The following WDR72 variants were observed in gnomAD, a reference collection of about 807,000 sequenced individuals.
WDR72 encodes the protein WD repeat domain 72.
WDR72 carries 120 observed loss-of-function variants against 124.2 expected under a neutral mutation model. That is an observed-to-expected ratio of 0.97 (90% CI 0.83 to 1.12). The LOEUF is 1.12. Among genes scored for constraint, WDR72 ranks in the 50% most tolerant of loss-of-function variants. WDR72 has a pLI of 0.00. For missense variants in WDR72, 1,387 were observed against 1,278.8 expected, an observed-to-expected ratio of 1.08 and a Z score of -1.29; for synonymous variants, 452 against 441.7, an observed-to-expected ratio of 1.02 and a Z score of -0.29.
At chr15:53,710,385 A>C (rs1341100727) in intron 9 of WDR72, among the ~76,000 whole-genome samples, 1 of 93,992 alleles carries the variant, frequency 1.1e-5, no homozygotes, top group Non-Finnish European at 2.4e-5. Context: ...GCAGAGAGAG[A>C]GACAGAGAAT....
At chr15:53,642,499 T>C (rs1566999989) in intron 14 of WDR72, among the ~76,000 whole-genome samples, 1 of 151,982 alleles carries the variant, frequency 6.6e-6, no homozygotes, top group Non-Finnish European at 1.5e-5. Context: ...AACAGCATCA[T>C]AATAATAGAG....
rs375942207 is a variant in WDR72, at chr15:53,704,720, A to G, written c.1348+268T>C. 6.7e-4 allele frequency among the ~76,000 whole-genome samples: 95 copies of G among 142,334 alleles called. 1 individual carries two copies. Among genetic ancestry groups the G allele is most frequent in the East Asian group, 2.4e-3 (12 of 4,954 alleles). 93.4% of individuals were successfully genotyped at this position (142,334 alleles called of 152,430 possible). On this transcript the variant is annotated intron_variant, in intron 11 of 19. Coordinates refer to ENST00000360509, the MANE Select transcript of WDR72 (RefSeq NM_182758.4). ...TTTTTTTTTTTGTATTTTTAGTAGA[A>G]ATGGGGTTTCACCGTGTTAGCCAGG...
chr15:53,756,310 G>A (rs898466259), intron 1 of WDR72, among the ~76,000 whole-genome samples: 1 of 152,126 alleles, frequency 6.6e-6, no homozygotes, highest in Non-Finnish European at 1.5e-5. Flanking sequence ...GGTGACTTCC[G>A]CCAGGATTGT....
chr15:53,571,795 C>A (rs1256399779), intron 18 of WDR72, among the ~76,000 whole-genome samples: 5 of 149,662 alleles, frequency 3.3e-5, no homozygotes, highest in African/African-American at 1.2e-4. Flanking sequence ...TAAGAATCTT[C>A]ATACTGCTTT....
At chr15:53,732,480 T>C (rs933633759) in intron 2 of WDR72, among the ~76,000 whole-genome samples, 19 of 152,132 alleles carry the variant, frequency 1.2e-4, no homozygotes, top group African/African-American at 4.6e-4. Flanking sequence ...GGTTCTGAAA[T>C]AGAAGGATGA....
At chr15:53,739,395 C>T (rs1343530261) in intron 1 of WDR72, among the ~76,000 whole-genome samples, 1 of 152,162 alleles carries the variant, frequency 6.6e-6, no homozygotes, top group Non-Finnish European at 1.5e-5. Context: ...CGGACAATTA[C>T]TGCCTCTGAT....
intron 14 of WDR72, among the ~76,000 whole-genome samples, 179 bp downstream of exon 14, chr15:53,665,393 G>A (rs961760687): frequency 3.3e-5 from 5 of 152,160 alleles, no homozygotes; most frequent in African/African-American, 7.2e-5. Context: ...TCATGCCATA[G>A]TAAGTATAAT....
At chr15:53,658,511 T>C (rs2015504878) in intron 14 of WDR72, among the ~76,000 whole-genome samples, 1 of 152,138 alleles carries the variant, frequency 6.6e-6, no homozygotes, top group South Asian at 2.1e-4. Flanking sequence ...TGGGTGTTGC[T>C]ATGGGCACAG....
chr15:53,679,817 T>C (rs1044766433), intron 13 of WDR72, among the ~76,000 whole-genome samples: 14 of 152,206 alleles, frequency 9.2e-5, no homozygotes, highest in Admixed American at 8.5e-4. Flanking sequence ...TTTGAGACCA[T>C]AGGAATTTAG....
Position 53,716,627 on chromosome 15 carries a change from A to G in WDR72, c.319T>C (p.Tyr107His). ...CTTACACAGATTGCAGTGTGCCTGT[A>G]AGGAAGTGTAGCCTTCTCCATGCAC... ...GQCMEKATLP[Y>H]RHTAICYYHC... The change falls in exon 4 of 20, where the codon TAC becomes CAC. Residue 107 changes from tyrosine (Y) to histidine (H), a missense_variant. Tyr to His is a moderately conservative substitution (Grantham distance 83). Coordinates refer to ENST00000360509, the MANE Select transcript of WDR72 (RefSeq NM_182758.4). 2 of 1,608,932 alleles carry G rather than the reference A, an allele frequency of 1.2e-6. No homozygotes were observed. The highest frequency in any genetic ancestry group is 8.5e-7 in the Non-Finnish European group (1 of 1,175,268).
intron 14 of WDR72, 121 bp downstream of exon 14, chr15:53,665,451 G>A (rs2015744366): frequency 1.9e-6 from 2 of 1,062,266 alleles, no homozygotes; most frequent in Admixed American, 2.0e-5. Context: ...CTTGGTAGAT[G>A]CAGCAGTCTC....
chr15:53,754,510 C>A (rs2018851073), intron 1 of WDR72, among the ~76,000 whole-genome samples: 1 of 152,060 alleles, frequency 6.6e-6, no homozygotes, highest in Non-Finnish European at 1.5e-5. Flanking sequence ...CTCTTCTCTG[C>A]TTGATTTCTA....
At chr15:53,607,914 C>T (rs765758711) in intron 17 of WDR72, among the ~76,000 whole-genome samples, 2 of 152,144 alleles carry the variant, frequency 1.3e-5, no homozygotes, top group Non-Finnish European at 2.9e-5. Flanking sequence ...AGGTACTCAA[C>T]ATCACTTATC....
At chr15:53,573,899 TTTG>T (rs1894657470) in intron 18 of WDR72, among the ~76,000 whole-genome samples, 1 of 152,232 alleles carries the variant, frequency 6.6e-6, no homozygotes, top group Non-Finnish European at 1.5e-5. Flanking sequence ...TAGTTTTGCA[TTTG>T]TTTTTATTTC....
intron 14 of WDR72, among the ~76,000 whole-genome samples, chr15:53,657,552 A>G (rs974538638): frequency 6.6e-6 from 1 of 151,982 alleles, no homozygotes; most frequent in African/African-American, 2.4e-5. Flanking sequence ...CTTCAAATTA[A>G]CTGATAACTA....
At chr15:53,556,931 A>G (rs1031713893) in intron 18 of WDR72, among the ~76,000 whole-genome samples, 2 of 152,124 alleles carry the variant, frequency 1.3e-5, no homozygotes, top group Non-Finnish European at 2.9e-5. Flanking sequence ...ACATACACAT[A>G]CAATAACTTG....
At chr15:53,628,379 C>A (rs926780448) in intron 14 of WDR72, among the ~76,000 whole-genome samples, 1 of 152,006 alleles carries the variant, frequency 6.6e-6, no homozygotes, top group Non-Finnish European at 1.5e-5. Flanking sequence ...GGAAGTTTTT[C>A]AAGTGAGAGA....
chr15:53,545,392 G>A lies in WDR72; in HGVS notation c.3149-22070C>T, dbSNP rs1288236641. On this transcript the variant is annotated intron_variant, in intron 18 of 19. Transcript: ENST00000360509. ...CAACTATCTGATCTTTGACAAACCT[G>A]AGAAAAACAAGCAATGGGGAAAGGA... Among the ~76,000 whole-genome samples, 53 of 149,746 alleles carry A rather than the reference G, an allele frequency of 3.5e-4. No individual in the cohort carries two copies. The East Asian group carries it at 9.0e-3, about 25-fold the overall frequency.
rs374576737 is a variant in WDR72, at chr15:53,711,332, C to T, written c.857+4G>A. 53 of 1,614,132 alleles carry T rather than the reference C, an allele frequency of 3.3e-5. No homozygotes were observed. In the African/African-American group the frequency reaches 6.7e-4, roughly 20 times the overall value. On this transcript the variant is annotated splice_donor_region_variant and intron_variant, in intron 8 of 19. Transcript: ENST00000360509. The stretch of plus-strand genomic sequence containing the variant: ...TTTTGTATGCCGCTCCCATCTGAGC[C>T]CACCTGTTCAGCAGCTGATAGATGT...
Sources: allele counts gnomAD v4.1 joint callset (sites outside exome capture counted in the v4.1 genomes callset), GRCh38; gene constraint gnomAD v4.1.1; transcripts MANE v1.5; gene names NCBI Gene and HGNC (gene_info 2026-07-23, HGNC 2026-07-21).